The following TP63 variants were observed in gnomAD, a reference collection of about 807,000 sequenced individuals.
The protein encoded by TP63 is tumor protein 63.
A neutral mutation model predicts 82.8 loss-of-function variants in TP63; 17 were observed. The ratio of observed to expected loss-of-function variants is 0.21; its 90% CI spans 0.14 to 0.31. The LOEUF is 0.31. Among genes scored for constraint, TP63 ranks in the 10% least tolerant of loss-of-function variants. The pLI is 1.00. For missense variants in TP63, 648 were observed against 895.3 expected, an observed-to-expected ratio of 0.72 and a Z score of 3.52; for synonymous variants, 330 against 321.7, an observed-to-expected ratio of 1.03 and a Z score of -0.28.
At chr3:189,652,291 G>A (rs558545389) in intron 1 of TP63, among the ~76,000 whole-genome samples, 4 of 147,138 alleles carry the variant, frequency 2.7e-5, no homozygotes, top group African/African-American at 1.0e-4. Flanking sequence ...TTGTATCAGC[G>A]TGTCCTGGAT....
At chr3:189,736,863 A>G (rs74332415) in intron 1 of TP63, among the ~76,000 whole-genome samples, 15,882 of 152,096 alleles carry the variant, frequency 0.1, 1,014 homozygotes, top group East Asian at 0.22. Context: ...GAACTTAACT[A>G]ATTTTATCCT....
intron 1 of TP63, among the ~76,000 whole-genome samples, chr3:189,733,966 T>G (rs942594663): frequency 1.3e-5 from 2 of 152,154 alleles, no homozygotes; most frequent in Non-Finnish European, 2.9e-5. Flanking sequence ...AATTTAACTT[T>G]GTTAATTCCT....
At chr3:189,751,161 A>G (rs1577350008) in intron 3 of TP63, among the ~76,000 whole-genome samples, 1 of 152,074 alleles carries the variant, frequency 6.6e-6, no homozygotes, top group Non-Finnish European at 1.5e-5. Flanking sequence ...ATCCTTTTTT[A>G]TGGCTGCATA....
At position 189,809,845 on chromosome 3, in the gene TP63, T is replaced by C. The variant is rs148001137; in HGVS notation, c.579+1319T>C. On this transcript the variant is annotated intron_variant, in intron 4 of 13. Transcript: ENST00000264731. ...CCAGGACAAGTTTTATAACTTCCAC[T>C]GTGCTAGTGAGGAAAGCTGAAGAAG... Among the ~76,000 whole-genome samples, 1,111 of 152,310 alleles carry C rather than the reference T, an allele frequency of 7.3e-3. 11 individuals carry two copies. Among genetic ancestry groups the C allele is most frequent in the African/African-American group, 0.026 (1,078 of 41,574 alleles).
At chr3:189,760,855 G>A (rs1461576462) in intron 3 of TP63, among the ~76,000 whole-genome samples, 1 of 152,148 alleles carries the variant, frequency 6.6e-6, no homozygotes, top group Non-Finnish European at 1.5e-5. Flanking sequence ...TGAAATCTAG[G>A]TGGAGGTTCT....
chr3:189,703,289 C>T (rs1717947928), intron 1 of TP63, among the ~76,000 whole-genome samples: 1 of 152,162 alleles, frequency 6.6e-6, no homozygotes. Flanking sequence ...GAAAAATTAG[C>T]TGGTCGTGGG....
At chr3:189,664,122 C>G (rs1396595177) in intron 1 of TP63, among the ~76,000 whole-genome samples, 1 of 151,948 alleles carries the variant, frequency 6.6e-6, no homozygotes, top group Non-Finnish European at 1.5e-5. Flanking sequence ...CTGACTTCCC[C>G]CTAAACTATA....
At chr3:189,791,088 A>T (rs1336520208) in intron 3 of TP63, among the ~76,000 whole-genome samples, 1 of 152,132 alleles carries the variant, frequency 6.6e-6, no homozygotes, top group African/African-American at 2.4e-5. Context: ...TTAGCTTAAA[A>T]TGTTACCAAT....
chr3:189,660,787 G>A (rs886707482), intron 1 of TP63, among the ~76,000 whole-genome samples: 1 of 151,716 alleles, frequency 6.6e-6, no homozygotes. Flanking sequence ...CACCTTCGAT[G>A]TTAGATGTAG....
At chr3:189,795,944 G>C (rs1303563150) in intron 3 of TP63, among the ~76,000 whole-genome samples, 2 of 152,000 alleles carry the variant, frequency 1.3e-5, no homozygotes, top group African/African-American at 4.8e-5. Context: ...TAGGGACTTA[G>C]TAATGACATT....
chr3:189,834,995 A>C (rs549026863), intron 4 of TP63, among the ~76,000 whole-genome samples: 77 of 151,718 alleles, frequency 5.1e-4, no homozygotes, highest in Non-Finnish European at 6.5e-4. Flanking sequence ...TCACTGAGAT[A>C]GGGAAGAGTG....
At chr3:189,795,030 A>G (rs74915763) in intron 3 of TP63, among the ~76,000 whole-genome samples, 1,575 of 152,222 alleles carry the variant, frequency 0.01, 21 homozygotes, top group African/African-American at 0.036. Flanking sequence ...CTATTCTAGC[A>G]TAATTACTAA....
intron 1 of TP63, among the ~76,000 whole-genome samples, chr3:189,671,832 A>G (rs1714917072): frequency 6.6e-6 from 1 of 152,112 alleles, no homozygotes; most frequent in Non-Finnish European, 1.5e-5. Flanking sequence ...TGTGGGGGCT[A>G]AAAATATTGA....
In TP63 at chr3:189,872,888, G is replaced by A. The variant is rs188455234; in HGVS notation, c.1242G>A (p.Leu414=). The A allele has an allele frequency of 1.4e-5, 22 of 1,614,108 alleles. No homozygotes were observed. Among genetic ancestry groups the A allele is most frequent in the East Asian group, 2.2e-5 (1 of 44,872 alleles). ...PVRGRETYEM[L]LKIKESLELM... is the part of the protein sequence containing the mutation. ...GGGGCCGTGAGACTTATGAAATGCT[G>A]TTGAAGATCAAAGAGTCCCTGGAAC... The change falls in exon 10 of 14, where the codon CTG becomes CTA. Residue 414 remains leucine, a synonymous_variant. Transcript: ENST00000264731.
intron 4 of TP63, 45 bp downstream of exon 4, chr3:189,808,571 G>A: frequency 6.2e-7 from 1 of 1,609,768 alleles, no homozygotes; most frequent in Non-Finnish European, 8.5e-7. Context: ...CAAGTCCAAG[G>A]ATGGGCTTCA....
chr3:189,805,995 T>A (rs962925197), intron 3 of TP63, among the ~76,000 whole-genome samples: 17 of 148,536 alleles, frequency 1.1e-4, no homozygotes, highest in African/African-American at 4.0e-4. Flanking sequence ...TGGACATGGA[T>A]CTCCTGCTGT....
chr3:189,711,542 C>G (rs1283762101), intron 1 of TP63, among the ~76,000 whole-genome samples: 1 of 152,196 alleles, frequency 6.6e-6, no homozygotes, highest in East Asian at 1.9e-4. Flanking sequence ...GGAGACATTT[C>G]AAGGAGGAAG....
intron 3 of TP63, among the ~76,000 whole-genome samples, chr3:189,791,016 A>G (rs557028426): frequency 2.0e-5 from 3 of 152,150 alleles, no homozygotes; most frequent in Non-Finnish European, 4.4e-5. Flanking sequence ...AAAACATTCA[A>G]GCAGGCTTGC....
At chr3:189,795,327 T>C (rs1296658460) in intron 3 of TP63, among the ~76,000 whole-genome samples, 1 of 152,062 alleles carries the variant, frequency 6.6e-6, no homozygotes, top group Non-Finnish European at 1.5e-5. Flanking sequence ...AAGAAGAAAT[T>C]AGTAATTCAC....
Sources: gnomAD v4.1 joint callset for allele counts (sites outside exome capture counted in the v4.1 genomes callset) on GRCh38, gnomAD v4.1.1 for gene constraint, MANE v1.5 for transcripts, NCBI Gene and HGNC (gene_info 2026-07-23, HGNC 2026-07-21) for gene names.